The following FILIP1L variants were observed in gnomAD, a reference collection of about 807,000 sequenced individuals.
The protein encoded by FILIP1L is filamin A interacting protein 1 like, also known as filamin A-interacting protein 1-like.
FILIP1L carries 55 observed loss-of-function variants against 96.6 expected under a neutral mutation model. The observed-to-expected ratio is 0.57, with a 90% CI of 0.46 to 0.71. The LOEUF (loss-of-function observed/expected upper bound fraction) is 0.71. Ranked by LOEUF, FILIP1L falls within the 30% of genes least tolerant of loss-of-function variation. FILIP1L has a pLI of 0.00. For missense variants in FILIP1L, 1,304 were observed against 1,321.2 expected (o/e 0.99, Z 0.20); for synonymous variants, 467 against 473.9 (o/e 0.99, Z 0.19).
At position 99,862,449 on chromosome 3, in the gene FILIP1L, T is replaced by C. The variant is rs1267648861; in HGVS notation, c.606-11379A>G. Among the ~76,000 whole-genome samples, 4 of 152,216 alleles carry C rather than the reference T, an allele frequency of 2.6e-5. No homozygotes were observed. The East Asian group carries it at 7.7e-4, about 29-fold the overall frequency. On this transcript the variant is annotated intron_variant, in intron 4 of 5. Coordinates refer to ENST00000477258, the MANE Select transcript of FILIP1L (RefSeq NM_001387850.1). The stretch of plus-strand genomic sequence containing the variant: ...TCTTTTCAGCTATGCACATGGTTAG[T>C]CATAATGATTGTCATTTTAGGTCAG...
At chr3:99,876,084 C>CGCCGGGGCCGGGCGGGGGCCGG (rs1705498920) in intron 4 of FILIP1L, 2 of 986,358 alleles carry the variant, frequency 2.0e-6, no homozygotes, top group Non-Finnish European at 2.4e-6. Flanking sequence ...GAACTGCCTG[C>CGCCGGGGCCGGGCGGGGGCCGG]GCCGGGGCCG....
At chr3:99,971,679 A>G (rs1243840505) in intron 1 of FILIP1L, among the ~76,000 whole-genome samples, 1 of 152,212 alleles carries the variant, frequency 6.6e-6, no homozygotes, top group African/African-American at 2.4e-5. Flanking sequence ...ACCTGCTTTC[A>G]TCAGGACCTC....
chr3:100,009,546 T>C (rs1710083786), intron 1 of FILIP1L, among the ~76,000 whole-genome samples: 1 of 152,176 alleles, frequency 6.6e-6, no homozygotes, highest in Admixed American at 6.5e-5. Flanking sequence ...GCCTTTTCAC[T>C]TGATAGACCA....
chr3:100,111,452 G>A (rs2066489738), intron 1 of FILIP1L, among the ~76,000 whole-genome samples: 1 of 152,152 alleles, frequency 6.6e-6, no homozygotes, highest in African/African-American at 2.4e-5. Flanking sequence ...GGTAATACCT[G>A]CCTTTCCTAC....
intron 1 of FILIP1L, among the ~76,000 whole-genome samples, chr3:100,037,986 C>T (rs1344110482): frequency 1.4e-5 from 2 of 141,686 alleles, no homozygotes; most frequent in Non-Finnish European, 3.0e-5. Context: ...TCTCAAATCT[C>T]GCTCTGTCGC....
chr3:100,034,615 T>A (rs1222583891), intron 1 of FILIP1L, among the ~76,000 whole-genome samples: 1 of 152,226 alleles, frequency 6.6e-6, no homozygotes, highest in Non-Finnish European at 1.5e-5. Flanking sequence ...TCAGTAAAAC[T>A]AAGCAGACAC....
At chr3:100,040,418 A>G (rs1164242611) in intron 1 of FILIP1L, 14 of 152,228 alleles carry the variant, frequency 9.2e-5, no homozygotes, top group Non-Finnish European at 1.9e-4. Context: ...CCATTTTAAT[A>G]TAGATGAGTA....
chr3:99,840,476 C>T lies in FILIP1L; in HGVS notation c.3381+7819G>A, dbSNP rs1943086665. On this transcript the variant is annotated intron_variant, in intron 5 of 5. Transcript: ENST00000477258. ...TGACCTCATGATCTGCCCGCTTTGG[C>T]CTCCCAAAGTGCTGGGATTACAGGC... Among the ~76,000 whole-genome samples the T allele has an allele frequency of 2.0e-5, 3 of 152,022 alleles. No individual in the cohort carries two copies. The South Asian group carries it at 6.2e-4, about 31-fold the overall frequency.
intron 1 of FILIP1L, among the ~76,000 whole-genome samples, chr3:100,014,891 C>CTTTTTTTTTTTTTTTT (rs1710284139): frequency 7.3e-5 from 2 of 27,218 alleles, no homozygotes; most frequent in Non-Finnish European, 6.9e-5. Flanking sequence ...TTTTTTCTTT[C>CTTTTTTTTTTTTTTTT]TTTCTTTTTT....
At chr3:99,931,053 G>A (rs758410311) in intron 1 of FILIP1L, 23 bp from the exon 2 acceptor site, 9 of 1,602,550 alleles carry the variant, frequency 5.6e-6, no homozygotes, top group Non-Finnish European at 6.8e-6. Context: ...AAGAAAATTT[G>A]TAAAGCTTAA....
At chr3:100,101,434 C>T (rs1431352483) in intron 1 of FILIP1L, among the ~76,000 whole-genome samples, 1 of 151,974 alleles carries the variant, frequency 6.6e-6, no homozygotes, top group Non-Finnish European at 1.5e-5. Context: ...TAAAGTAGAT[C>T]GGGTTAGAAG....
In FILIP1L at chr3:99,882,604, A is replaced by G. The variant is rs192249827; in HGVS notation, c.606-31534T>C. Among the ~76,000 whole-genome samples, 5 of 152,354 alleles carry G rather than the reference A, an allele frequency of 3.3e-5. No homozygotes were observed. In the East Asian group the frequency reaches 7.7e-4, roughly 24 times the overall value. Reference sequence around the variant, plus strand: ...CTGTTCCCATTTTTAAATAGATGAGATAACTGGAGCTCAGAGAGGTTAAGG... The same window carrying G: ...CTGTTCCCATTTTTAAATAGATGAGGTAACTGGAGCTCAGAGAGGTTAAGG... On this transcript the variant is annotated intron_variant, in intron 4 of 5. Coordinates refer to ENST00000477258, the MANE Select transcript of FILIP1L (RefSeq NM_001387850.1).
chr3:99,855,295 G>A (rs901281733), intron 4 of FILIP1L, among the ~76,000 whole-genome samples: 2 of 151,980 alleles, frequency 1.3e-5, no homozygotes, highest in Admixed American at 1.3e-4. Context: ...ATAGTTGGTG[G>A]GTCAGTAGCT....
Position 99,930,940 on chromosome 3 carries a change from C to A in FILIP1L, c.81G>T (p.Gly27=). The A allele has an allele frequency of 1.2e-6, 2 of 1,613,534 alleles. No individual in the cohort carries two copies. The highest frequency in any genetic ancestry group is 1.7e-6 in the Non-Finnish European group (2 of 1,179,916). ...PRHTKGHSFQ[G]PKNMKHRQQD... ...GCTGTCTATGCTTCATGTTTTTAGGCCCTTGGAAACTGTGGCCTTTAGTAT... is the reference window on the plus strand; with the variant it reads ...GCTGTCTATGCTTCATGTTTTTAGGACCTTGGAAACTGTGGCCTTTAGTAT... Residue 27 remains glycine (G), a synonymous_variant, in exon 2 of 6, where the codon GGG becomes GGT. Coordinates refer to ENST00000477258, the MANE Select transcript of FILIP1L (RefSeq NM_001387850.1).
intron 1 of FILIP1L, among the ~76,000 whole-genome samples, chr3:100,060,270 T>C (rs1351894433): frequency 2.6e-5 from 4 of 152,114 alleles, no homozygotes; most frequent in Non-Finnish European, 5.9e-5. Flanking sequence ...AGGAGTGAAG[T>C]ACCATGCAAG....
In FILIP1L at chr3:100,021,956, TGTGTGAGAGAGAGAGA is replaced by T. The variant is rs796803661; in HGVS notation, c.-10-90942_-10-90927del. Reference sequence around the variant, plus strand: ...GTGTGTGTGTGTGTGTGTGTGTGTGTGTGTGAGAGAGAGAGAGAGAGAGAGAGAGAGAGAGAGATAT... The same window carrying T: ...GTGTGTGTGTGTGTGTGTGTGTGTGTGAGAGAGAGAGAGAGAGAGAGATAT... On this transcript the variant is annotated intron_variant, in intron 1 of 5. Transcript: ENST00000477258. 5.0e-3 allele frequency among the ~76,000 whole-genome samples: 470 copies of T among 94,510 alleles called. 3 individuals carry two copies. Among genetic ancestry groups the T allele is most frequent in the South Asian group, 8.5e-3 (21 of 2,462 alleles). The allele number at this position is 94,510 out of a possible 152,430, so 62.0% of individuals were successfully genotyped here.
At position 99,995,509 on chromosome 3, in the gene FILIP1L, G is replaced by A. The variant is rs554858224; in HGVS notation, c.-10-64479C>T. Among the ~76,000 whole-genome samples the A allele has an allele frequency of 3.9e-5, 6 of 152,296 alleles. No homozygotes were observed. In the South Asian group the frequency reaches 8.3e-4, roughly 21 times the overall value. On this transcript the variant is annotated intron_variant, in intron 1 of 5. Coordinates refer to ENST00000477258, the MANE Select transcript of FILIP1L (RefSeq NM_001387850.1). Reference sequence around the variant, plus strand: ...CTTCCATTCTGGGGTCTGGAGGATGGTGGCCCTCTTCTCACAGCTCCACTA... The same window carrying A: ...CTTCCATTCTGGGGTCTGGAGGATGATGGCCCTCTTCTCACAGCTCCACTA...
At chr3:99,855,897 C>T (rs1943938023) in intron 4 of FILIP1L, among the ~76,000 whole-genome samples, 2 of 152,176 alleles carry the variant, frequency 1.3e-5, no homozygotes, top group Admixed American at 6.5e-5. Context: ...ATTAACAAAT[C>T]GGACAGCCAA....
At chr3:100,108,175 C>A (rs961632826) in intron 1 of FILIP1L, among the ~76,000 whole-genome samples, 2 of 152,104 alleles carry the variant, frequency 1.3e-5, no homozygotes, top group Non-Finnish European at 2.9e-5. Context: ...CTTCTTAATT[C>A]GGTCCAGGGA....
Sources: gnomAD v4.1 joint callset for allele counts (sites outside exome capture counted in the v4.1 genomes callset) on GRCh38, gnomAD v4.1.1 for gene constraint, MANE v1.5 for transcripts, NCBI Gene and HGNC (gene_info 2026-07-23, HGNC 2026-07-21) for gene names.